The following TTC28 variants were observed in gnomAD, a reference collection of about 807,000 sequenced individuals.
TTC28 encodes the protein tetratricopeptide repeat domain 28, also known as tetratricopeptide repeat protein 28.
Under a neutral mutation model 198.0 loss-of-function variants are expected in TTC28, and 61 were observed. The ratio of observed to expected loss-of-function variants is 0.31; its 90% CI spans 0.25 to 0.38. The LOEUF is 0.38. Ranked by LOEUF, TTC28 falls within the 10% of genes least tolerant of loss-of-function variation. The pLI is 1.00. For missense variants in TTC28, 2,678 were observed against 3,164.0 expected, an observed-to-expected ratio of 0.85 and a Z score of 3.69; for synonymous variants, 1,171 against 1,297.8, an observed-to-expected ratio of 0.90 and a Z score of 2.10.
intron 5 of TTC28, among the ~76,000 whole-genome samples, chr22:28,239,408 CA>C (rs923849104): frequency 6.6e-6 from 1 of 152,060 alleles, no homozygotes; most frequent in Non-Finnish European, 1.5e-5. Context: ...GGACAAAGTA[CA>C]AATCAATGAC....
intron 2 of TTC28, among the ~76,000 whole-genome samples, chr22:28,557,646 C>A (rs1601563366): frequency 6.6e-6 from 1 of 152,170 alleles, no homozygotes; most frequent in South Asian, 2.1e-4. Flanking sequence ...ATCTTAAGTT[C>A]TTGGGGTCTG....
chr22:28,020,190 C>G (rs1569086559), intron 13 of TTC28, among the ~76,000 whole-genome samples: 1 of 152,218 alleles, frequency 6.6e-6, no homozygotes. Flanking sequence ...CACAGCTGCA[C>G]CACCCCGGGG....
chr22:28,010,599 G>C (rs571997692), intron 14 of TTC28, among the ~76,000 whole-genome samples: 1 of 152,290 alleles, frequency 6.6e-6, no homozygotes, highest in Non-Finnish European at 1.5e-5. Flanking sequence ...GCTCAGCGTG[G>C]ACACCTCGGC....
chr22:28,548,960 A>G (rs1264562712), intron 2 of TTC28, among the ~76,000 whole-genome samples: 1 of 152,114 alleles, frequency 6.6e-6, no homozygotes, highest in African/African-American at 2.4e-5. Flanking sequence ...TAGTCCAAAT[A>G]CCATGTTTGA....
chr22:28,028,958 C>T (rs1569092023), intron 13 of TTC28: 1 of 470,764 alleles, frequency 2.1e-6, no homozygotes, highest in Non-Finnish European at 4.4e-6. Flanking sequence ...GTGGCAAGGC[C>T]AGAGGCTGCA....
chr22:28,013,385 A>C (rs1310436192), intron 14 of TTC28, among the ~76,000 whole-genome samples: 1 of 152,198 alleles, frequency 6.6e-6, no homozygotes, highest in Non-Finnish European at 1.5e-5. Context: ...GAAGATCCTG[A>C]GCCCTCCAGC....
intron 2 of TTC28, among the ~76,000 whole-genome samples, chr22:28,363,440 A>T (rs961959524): frequency 2.0e-5 from 3 of 152,170 alleles, no homozygotes; most frequent in African/African-American, 7.2e-5. Flanking sequence ...TGCAGGGGTG[A>T]GGCCCTCATG....
At chr22:28,660,698 G>A (rs1438338785) in intron 1 of TTC28, among the ~76,000 whole-genome samples, 6 of 151,848 alleles carry the variant, frequency 4.0e-5, no homozygotes, top group Admixed American at 3.9e-4. Flanking sequence ...TAATTTTTGT[G>A]TTTTCAGTAG....
intron 2 of TTC28, among the ~76,000 whole-genome samples, chr22:28,387,174 C>T (rs1288940306): frequency 6.6e-6 from 1 of 152,180 alleles, no homozygotes; most frequent in Non-Finnish European, 1.5e-5. Context: ...GACGTGAACT[C>T]ATCATTTTTT....
intron 2 of TTC28, among the ~76,000 whole-genome samples, chr22:28,495,457 G>C (rs2048441899): frequency 6.6e-6 from 1 of 152,174 alleles, no homozygotes; most frequent in Admixed American, 6.6e-5. Context: ...CCAACCTCGA[G>C]TACTACAATC....
intron 5 of TTC28, among the ~76,000 whole-genome samples, chr22:28,220,694 A>G (rs548151782): frequency 2.3e-4 from 35 of 152,232 alleles, no homozygotes; most frequent in Non-Finnish European, 4.6e-4. Context: ...AATAATGTAC[A>G]TTCTGTCACT....
At chr22:28,438,398 C>A (rs760113273) in intron 2 of TTC28, among the ~76,000 whole-genome samples, 1 of 152,124 alleles carries the variant, frequency 6.6e-6, no homozygotes, top group Non-Finnish European at 1.5e-5. Flanking sequence ...CCAAACAAGG[C>A]TTTTAAATGG....
At chr22:28,386,000 G>A (rs754568142) in intron 2 of TTC28, among the ~76,000 whole-genome samples, 4 of 151,892 alleles carry the variant, frequency 2.6e-5, no homozygotes, top group Non-Finnish European at 2.9e-5. Flanking sequence ...CACCAGGCCG[G>A]GCGCGGTGGC....
chr22:28,520,624 G>A (rs1452459779), intron 2 of TTC28, among the ~76,000 whole-genome samples: 1 of 152,180 alleles, frequency 6.6e-6, no homozygotes, highest in Admixed American at 6.5e-5. Flanking sequence ...CAGGCATGGT[G>A]GCATGTGCCT....
At chr22:28,042,949 G>C (rs937400598) in intron 12 of TTC28, among the ~76,000 whole-genome samples, 4 of 152,008 alleles carry the variant, frequency 2.6e-5, no homozygotes, top group African/African-American at 9.7e-5. Flanking sequence ...TCTACTTCTA[G>C]AAACTGCCTC....
At chr22:28,635,927 T>C (rs1347566585) in intron 1 of TTC28, among the ~76,000 whole-genome samples, 1 of 151,972 alleles carries the variant, frequency 6.6e-6, no homozygotes, top group Non-Finnish European at 1.5e-5. Context: ...TAGCTGAAGA[T>C]TTGTACCCCT....
chr22:28,103,355 C>A (rs1401753832), intron 8 of TTC28, among the ~76,000 whole-genome samples: 1 of 152,188 alleles, frequency 6.6e-6, no homozygotes, highest in Non-Finnish European at 1.5e-5. Context: ...CTCCACAGCA[C>A]CTGGAGAGCT....
In TTC28 at chr22:28,096,399, T is replaced by A. The variant is rs779625434; in HGVS notation, c.3557A>T (p.Asp1186Val). ...CCTTTCTGCCACAGCCAGGGCTTCA[T>A]CATGATGGCCTAGGAGACAAAGAGA... Reference protein sequence around the residue: ...QRVLVSLGHHDEALAVAERGR... With the variant: ...QRVLVSLGHHVEALAVAERGR... The change falls in exon 11 of 23, where the codon GAT (aspartate) becomes GTT (valine). Residue 1186 changes from aspartate to valine, a missense_variant. By Grantham distance (152) the Asp-to-Val change is radical. Transcript: ENST00000397906. 4.5e-6 allele frequency: 7 copies of A among 1,551,138 alleles called. 1 individual carries two copies. In the South Asian group the frequency reaches 8.3e-5, roughly 18 times the overall value.
chr22:28,456,509 A>G (rs1255695865), intron 2 of TTC28, among the ~76,000 whole-genome samples: 1 of 152,228 alleles, frequency 6.6e-6, no homozygotes, highest in Non-Finnish European at 1.5e-5. Context: ...GTATGTGGTC[A>G]GCTTTCCCCA....
Sources: allele counts gnomAD v4.1 joint callset (sites outside exome capture counted in the v4.1 genomes callset), GRCh38; gene constraint gnomAD v4.1.1; transcripts MANE v1.5; gene names NCBI Gene and HGNC (gene_info 2026-07-23, HGNC 2026-07-21).